The following PACRG variants were observed in gnomAD, a reference collection of about 807,000 sequenced individuals.
PACRG encodes parkin coregulated.
Under a neutral mutation model 29.7 loss-of-function variants are expected in PACRG, and 29 were observed. The observed-to-expected ratio is 0.98, with a 90% CI of 0.73 to 1.33. The LOEUF (loss-of-function observed/expected upper bound fraction) is 1.33, where lower values mean the gene tolerates loss of function less well. Among genes scored for constraint, PACRG ranks in the 40% most tolerant of loss-of-function variants. The pLI is 0.00. For synonymous variants in PACRG, 116 were observed against 118.7 expected (o/e 0.98, Z 0.15); for missense variants, 279 against 316.2 (o/e 0.88, Z 0.89).
intron 2 of PACRG, among the ~76,000 whole-genome samples, chr6:162,848,757 C>G (rs1423497697): frequency 6.6e-6 from 1 of 152,234 alleles, no homozygotes; most frequent in East Asian, 1.9e-4. Context: ...ATAATAATCA[C>G]TTACTGAGTG....
intron 2 of PACRG, among the ~76,000 whole-genome samples, chr6:163,019,174 CTTA>C (rs1163695127): frequency 6.6e-6 from 1 of 152,088 alleles, no homozygotes; most frequent in African/African-American, 2.4e-5. Flanking sequence ...TATGATATTT[CTTA>C]TTCTCTCCTT....
At chr6:163,151,220 A>G (rs1051973275) in intron 4 of PACRG, among the ~76,000 whole-genome samples, 2 of 152,224 alleles carry the variant, frequency 1.3e-5, no homozygotes. Context: ...CTCCACTAGA[A>G]TGAAACCTTT....
At chr6:163,013,676 T>G (rs987030489) in intron 2 of PACRG, among the ~76,000 whole-genome samples, 1 of 152,172 alleles carries the variant, frequency 6.6e-6, no homozygotes, top group Admixed American at 6.5e-5. Context: ...TTTCTGGTGC[T>G]GCATTAGTAT....
At chr6:162,846,077 G>A (rs1271667066) in intron 2 of PACRG, among the ~76,000 whole-genome samples, 2 of 152,166 alleles carry the variant, frequency 1.3e-5, no homozygotes, top group Non-Finnish European at 2.9e-5. Flanking sequence ...GCGAAGGGGA[G>A]GGAAGGAAGG....
chr6:163,074,232 A>G (rs1454605850), intron 3 of PACRG, among the ~76,000 whole-genome samples: 1 of 152,220 alleles, frequency 6.6e-6, no homozygotes, highest in African/African-American at 2.4e-5. Flanking sequence ...ATGGAGTGCT[A>G]TTTAGTCATA....
At chr6:162,975,986 T>C (rs1410828129) in intron 2 of PACRG, among the ~76,000 whole-genome samples, 1 of 152,132 alleles carries the variant, frequency 6.6e-6, no homozygotes, top group Non-Finnish European at 1.5e-5. Context: ...TGGAAAGGGC[T>C]GGGTGTGAGA....
intron 2 of PACRG, among the ~76,000 whole-genome samples, chr6:162,914,079 A>G (rs1796510247): frequency 6.6e-6 from 1 of 152,182 alleles, no homozygotes; most frequent in Admixed American, 6.5e-5. Context: ...GATGAAATCC[A>G]GCTTATCATT....
At chr6:163,086,743 G>A (rs767179322) in intron 3 of PACRG, among the ~76,000 whole-genome samples, 11 of 152,108 alleles carry the variant, frequency 7.2e-5, no homozygotes, top group South Asian at 2.1e-4. Flanking sequence ...CAGAGGATTC[G>A]GTTTAGTTCA....
At chr6:162,782,033 C>G (rs1434076023) in intron 1 of PACRG, among the ~76,000 whole-genome samples, 2 of 151,758 alleles carry the variant, frequency 1.3e-5, no homozygotes, top group South Asian at 4.1e-4. Context: ...CCCACATCAA[C>G]TATAAAGGCG....
intron 4 of PACRG, among the ~76,000 whole-genome samples, chr6:163,248,185 C>T (rs1477363348): frequency 1.3e-5 from 2 of 152,200 alleles, no homozygotes; most frequent in Non-Finnish European, 2.9e-5. Context: ...TTGAATGTTG[C>T]ATGGGTGGGG....
chr6:162,870,364 A>G (rs975355874), intron 2 of PACRG, among the ~76,000 whole-genome samples: 3 of 152,238 alleles, frequency 2.0e-5, no homozygotes, highest in Non-Finnish European at 4.4e-5. Flanking sequence ...ACTTTTTATT[A>G]TAACTCCTCA....
At chr6:163,143,843 G>A (rs936171930) in intron 4 of PACRG, among the ~76,000 whole-genome samples, 21 of 152,136 alleles carry the variant, frequency 1.4e-4, no homozygotes, top group African/African-American at 5.1e-4. Context: ...GAGGGGACGG[G>A]GAGGAAAGAC....
chr6:163,080,481 A>G (rs891667170), intron 3 of PACRG, among the ~76,000 whole-genome samples: 15 of 152,184 alleles, frequency 9.9e-5, no homozygotes, highest in Non-Finnish European at 2.2e-4. Flanking sequence ...CAAGACTGAA[A>G]AGGAGTATGT....
At chr6:163,045,359 G>A (rs902860378) in intron 2 of PACRG, among the ~76,000 whole-genome samples, 1 of 152,154 alleles carries the variant, frequency 6.6e-6, no homozygotes, top group Non-Finnish European at 1.5e-5. Context: ...ATCAATGAAT[G>A]TAAGCCATGA....
chr6:163,267,429 T>C (rs1376933162), intron 4 of PACRG, among the ~76,000 whole-genome samples: 2 of 152,240 alleles, frequency 1.3e-5, no homozygotes, highest in African/African-American at 4.8e-5. Context: ...GTCCTAGTTT[T>C]CTAAAGTACT....
At chr6:162,891,504 C>A (rs1275495460) in intron 2 of PACRG, among the ~76,000 whole-genome samples, 2 of 152,136 alleles carry the variant, frequency 1.3e-5, no homozygotes, top group Admixed American at 1.3e-4. Flanking sequence ...TGGCTTGCTG[C>A]AGCCATTCCA....
chr6:162,981,377 T>C (rs1187185043), intron 2 of PACRG, among the ~76,000 whole-genome samples: 1 of 151,492 alleles, frequency 6.6e-6, no homozygotes, highest in African/African-American at 2.4e-5. Flanking sequence ...AAATGTGATA[T>C]ATATATGTAT....
At position 163,263,518 on chromosome 6, in the gene PACRG, C is replaced by G. The variant is rs985932375; in HGVS notation, c.614-51309C>G. 2.0e-5 allele frequency among the ~76,000 whole-genome samples: 3 copies of G among 152,156 alleles called. 1 individual carries two copies. Among genetic ancestry groups the G allele is most frequent in the Non-Finnish European group, 4.4e-5 (3 of 68,030 alleles). ...CAGAAATATGTGACTATTGAACACC[C>G]TCCTCTTCTCAATCACAAAAGCTCT... is the stretch of plus-strand genomic sequence containing the variant. On this transcript the variant is annotated intron_variant, in intron 4 of 4. Coordinates refer to ENST00000366888, the MANE Select transcript of PACRG (RefSeq NM_001080379.2).
chr6:163,018,545 A>G (rs1250289949), intron 2 of PACRG, among the ~76,000 whole-genome samples: 1 of 152,188 alleles, frequency 6.6e-6, no homozygotes, highest in Non-Finnish European at 1.5e-5. Flanking sequence ...TTTTTTCCTC[A>G]AGTTGCCCAA....
Sources: gnomAD v4.1 joint callset for allele counts (sites outside exome capture counted in the v4.1 genomes callset) on GRCh38, gnomAD v4.1.1 for gene constraint, MANE v1.5 for transcripts, NCBI Gene and HGNC (gene_info 2026-07-23, HGNC 2026-07-21) for gene names.